Variants in ABLIM1 observed in about 807,000 individuals in gnomAD.
The protein encoded by ABLIM1 is actin-binding LIM protein 1.
In ABLIM1, 40 loss-of-function variants were observed where a neutral mutation model predicts 107.0. That is an observed-to-expected ratio of 0.37 (90% confidence interval 0.29 to 0.49). The LOEUF (loss-of-function observed/expected upper bound fraction) is 0.49. Among genes scored for constraint, ABLIM1 ranks in the 20% least tolerant of loss-of-function variants. The pLI is 0.97. For missense variants in ABLIM1, 857 were observed against 1,008.5 expected, an observed-to-expected ratio of 0.85 and a Z score of 2.04; for synonymous variants, 357 against 357.3, an observed-to-expected ratio of 1.00 and a Z score of 0.01.
intron 12 of ABLIM1, among the ~76,000 whole-genome samples, chr10:114,461,380 A>C (rs2063855193): frequency 7.0e-6 from 1 of 142,470 alleles, no homozygotes; most frequent in African/African-American, 2.7e-5. Context: ...TCTTTAAAAT[A>C]CACAACTGAA....
At chr10:114,621,074 A>G (rs1006022790) in intron 1 of ABLIM1, among the ~76,000 whole-genome samples, 2 of 152,154 alleles carry the variant, frequency 1.3e-5, no homozygotes, top group Admixed American at 6.5e-5. Context: ...AGCTGCTTGC[A>G]TCTCCTCAGA....
upstream of ABLIM1, among the ~76,000 whole-genome samples, chr10:114,770,072 C>T (rs1295633998): frequency 1.6e-4 from 24 of 152,098 alleles, no homozygotes; most frequent in Non-Finnish European, 3.1e-4. Context: ...CTACCACCCA[C>T]CCCCCAGGTT....
intron 4 of ABLIM1, among the ~76,000 whole-genome samples, chr10:114,554,010 T>C (rs2068409629): frequency 6.6e-6 from 1 of 152,108 alleles, no homozygotes; most frequent in Non-Finnish European, 1.5e-5. Flanking sequence ...TAACAAGCTA[T>C]GAGGAGACCA....
intron 6 of ABLIM1, among the ~76,000 whole-genome samples, chr10:114,536,633 T>C (rs2066069507): frequency 6.6e-6 from 1 of 152,160 alleles, no homozygotes; most frequent in Non-Finnish European, 1.5e-5. Context: ...GGCTGAATAA[T>C]ATTCCGTTTT....
At chr10:114,561,485 T>TA (rs933657098) in intron 4 of ABLIM1, among the ~76,000 whole-genome samples, 4 of 152,170 alleles carry the variant, frequency 2.6e-5, no homozygotes, top group Non-Finnish European at 5.9e-5. Flanking sequence ...GGGTGGGAAA[T>TA]ACACTAAAAA....
At chr10:114,659,496 G>A (rs1472979699), upstream of ABLIM1, among the ~76,000 whole-genome samples, 2 of 152,060 alleles carry the variant, frequency 1.3e-5, no homozygotes, top group Admixed American at 6.6e-5. Context: ...CTAGGTGACC[G>A]GGCAAGACTC....
chr10:114,649,647 C>G (rs2079156284), intron 1 of ABLIM1, among the ~76,000 whole-genome samples: 1 of 152,050 alleles, frequency 6.6e-6, no homozygotes, highest in Non-Finnish European at 1.5e-5. Flanking sequence ...TCTACACGCC[C>G]TAACAAACAG....
chr10:114,797,204 T>A, the ABLIM1 span, among the ~76,000 whole-genome samples: 3 of 152,216 alleles, frequency 2.0e-5, no homozygotes, highest in Non-Finnish European at 4.4e-5. Context: ...CTCCCTCCTG[T>A]TTTCATTTCC....
chr10:114,443,247 G>A (rs1190167404), intron 17 of ABLIM1, among the ~76,000 whole-genome samples: 1 of 152,096 alleles, frequency 6.6e-6, no homozygotes, highest in East Asian at 1.9e-4. Flanking sequence ...TCAGCCCAGT[G>A]TATAAGTCAT....
chr10:114,599,749 T>G (rs1000815476), intron 2 of ABLIM1, among the ~76,000 whole-genome samples: 3 of 151,746 alleles, frequency 2.0e-5, no homozygotes, highest in Admixed American at 1.3e-4. Context: ...ATCACACCAC[T>G]GCACTCCAGC....
intron 2 of ABLIM1, 73 bp downstream of exon 2, chr10:114,601,754 A>T: frequency 6.2e-7 from 1 of 1,607,814 alleles, no homozygotes; most frequent in Non-Finnish European, 8.5e-7. Flanking sequence ...TGTGGAGTTA[A>T]GGGGATGGGC....
At chr10:114,466,827 G>A (rs549576887) in intron 11 of ABLIM1, among the ~76,000 whole-genome samples, 2 of 152,154 alleles carry the variant, frequency 1.3e-5, no homozygotes, top group East Asian at 3.9e-4. Flanking sequence ...GCAAAAATTT[G>A]CGTTACATGT....
chr10:114,706,021 A>G (rs1324569374), intron 1 of ABLIM1, among the ~76,000 whole-genome samples: 2 of 152,220 alleles, frequency 1.3e-5, no homozygotes, highest in East Asian at 3.9e-4. Context: ...ATCCTTTGAA[A>G]AATCACCAAG....
the ABLIM1 span, among the ~76,000 whole-genome samples, chr10:114,787,466 A>T: frequency 4.5e-4 from 52 of 114,884 alleles, no homozygotes; most frequent in South Asian, 1.5e-3. Flanking sequence ...GCCTCTGCCC[A>T]GCCGCCCCTA....
chr10:114,557,156 G>T (rs1016447578), intron 4 of ABLIM1, among the ~76,000 whole-genome samples: 1 of 152,064 alleles, frequency 6.6e-6, no homozygotes, highest in Non-Finnish European at 1.5e-5. Flanking sequence ...ATAATGGCTC[G>T]ATGATTTTGA....
At chr10:114,538,914 C>T (rs964775288) in intron 6 of ABLIM1, among the ~76,000 whole-genome samples, 26 of 152,220 alleles carry the variant, frequency 1.7e-4, no homozygotes, top group African/African-American at 6.3e-4. Context: ...GCCCACCCTT[C>T]CTTAGTCTGT....
chr10:114,608,412 G>A (rs1448932072), intron 1 of ABLIM1, among the ~76,000 whole-genome samples: 1 of 152,212 alleles, frequency 6.6e-6, no homozygotes, highest in Non-Finnish European at 1.5e-5. Context: ...GCTCATGCCT[G>A]TAATCCCAGC....
intron 1 of ABLIM1, chr10:114,690,261 A>G (rs2081045833): frequency 1.3e-6 from 2 of 1,525,334 alleles, no homozygotes; most frequent in Admixed American, 1.7e-5. Context: ...GCCAAAGACC[A>G]CATGCTTGCC....
At position 114,573,403 on chromosome 10, in the gene ABLIM1, G is replaced by A. The variant is rs75878539; in HGVS notation, c.564-1997C>T. Among the ~76,000 whole-genome samples, 1,093 of 152,276 alleles carry A rather than the reference G, an allele frequency of 7.2e-3. 12 individuals are homozygous for A. The highest frequency in any genetic ancestry group is 0.025 in the African/African-American group (1,049 of 41,538). On this transcript the variant is annotated intron_variant, in intron 3 of 22. Coordinates refer to ENST00000533213, the MANE Select transcript of ABLIM1 (RefSeq NM_002313.7). ...AATTCAGACAGAATTATCGTCATTC[G>A]GCAGCAGTAGAGGCAGTAGCAGTAA... is the stretch of plus-strand genomic sequence containing the variant.
Sources: allele counts gnomAD v4.1 joint callset (sites outside exome capture counted in the v4.1 genomes callset), GRCh38; gene constraint gnomAD v4.1.1; transcripts MANE v1.5; gene names NCBI Gene and HGNC (gene_info 2026-07-23, HGNC 2026-07-21).